Variants in TEX36 observed in about 807,000 individuals in gnomAD.
TEX36 encodes the protein testis expressed 36.
In TEX36, 12 loss-of-function variants were observed where a neutral mutation model predicts 13.6. The observed-to-expected ratio is 0.88, with a 90% CI of 0.56 to 1.43. The LOEUF (loss-of-function observed/expected upper bound fraction) is 1.43, where lower values mean the gene tolerates loss of function less well. Among genes scored for constraint, TEX36 ranks in the 40% most tolerant of loss-of-function variants. TEX36 has a pLI of 0.00. For missense variants in TEX36, 224 were observed against 228.3 expected (o/e 0.98, Z 0.12); for synonymous variants, 93 against 83.0 (o/e 1.12, Z -0.65).
intron 3 of TEX36, among the ~76,000 whole-genome samples, chr10:125,649,113 T>C (rs887795347): frequency 1.1e-4 from 16 of 152,294 alleles, no homozygotes; most frequent in African/African-American, 3.9e-4. Flanking sequence ...TTCCCCAACC[T>C]AGTGAGGCAG....
At chr10:125,667,160 CG>C in intron 1 of TEX36, 3 of 671,860 alleles carry the variant, frequency 4.5e-6, no homozygotes, top group Non-Finnish European at 2.8e-6. Context: ...CCAGGGACAG[CG>C]GGGGGCACTG....
At chr10:125,656,685 C>T (rs2133591067) in intron 3 of TEX36, among the ~76,000 whole-genome samples, 1 of 152,244 alleles carries the variant, frequency 6.6e-6, no homozygotes, top group Non-Finnish European at 1.5e-5. Context: ...TTGACACTCA[C>T]AAAACCCTGG....
Position 125,625,415 on chromosome 10 carries a change from T to A in TEX36, c.265-3770A>T, listed in dbSNP as rs143051570. 8.8e-3 allele frequency among the ~76,000 whole-genome samples: 1,335 copies of A among 152,258 alleles called. 8 individuals are homozygous for A. The highest frequency in any genetic ancestry group is 0.014 in the South Asian group (69 of 4,818). On this transcript the variant is annotated intron_variant, in intron 3 of 3. Coordinates refer to the TEX36 transcript ENST00000526819. ...GTAGAAGACAGAGAGTTGCCCAAATTGAAGGTAAAAGTCAGATTTGATCCA... is the reference window on the plus strand; with the variant it reads ...GTAGAAGACAGAGAGTTGCCCAAATAGAAGGTAAAAGTCAGATTTGATCCA...
intron 3 of TEX36, among the ~76,000 whole-genome samples, chr10:125,604,502 C>T (rs541925522): frequency 7.8e-5 from 11 of 140,218 alleles, no homozygotes; most frequent in African/African-American, 3.2e-4. Flanking sequence ...ATCATGAGAC[C>T]CCTGTCTCTA....
At chr10:125,576,868 T>A (rs1845830677) in exon 4 of TEX36, 1 of 1,536,120 alleles carries the variant, frequency 6.5e-7, no homozygotes, top group South Asian at 1.2e-5. Context: ...GTTGCTGTCA[T>A]TCTTTCCTGT....
chr10:125,612,688 G>A (rs957597063), intron 3 of TEX36, among the ~76,000 whole-genome samples: 4 of 151,974 alleles, frequency 2.6e-5, no homozygotes, highest in African/African-American at 7.3e-5. Flanking sequence ...TTTATAAGCA[G>A]GCAAACATCA....
chr10:125,655,168 G>A (rs769882388), downstream of TEX36, among the ~76,000 whole-genome samples: 27 of 152,196 alleles, frequency 1.8e-4, no homozygotes, highest in Non-Finnish European at 2.9e-4. Flanking sequence ...TAGAAGGCCA[G>A]GCGCGGTGGC....
At chr10:125,643,466 G>A (rs770733208) in intron 3 of TEX36, among the ~76,000 whole-genome samples, 6 of 152,150 alleles carry the variant, frequency 3.9e-5, no homozygotes, top group South Asian at 2.1e-4. Flanking sequence ...AAATTAGGCC[G>A]GGCACGATGG....
At chr10:125,673,338 C>T (rs752611576) in intron 1 of TEX36, among the ~76,000 whole-genome samples, 9 of 152,140 alleles carry the variant, frequency 5.9e-5, no homozygotes, top group Non-Finnish European at 8.8e-5. Flanking sequence ...ATTTGCTTGT[C>T]TGAAAAGGAT....
chr10:125,674,439 C>T (rs1044729118), intron 1 of TEX36, among the ~76,000 whole-genome samples: 1 of 152,220 alleles, frequency 6.6e-6, no homozygotes, highest in African/African-American at 2.4e-5. Flanking sequence ...TCCATCTCAG[C>T]TTCTGCCCAG....
chr10:125,579,786 G>T (rs1252670918), intron 3 of TEX36, among the ~76,000 whole-genome samples: 1 of 152,138 alleles, frequency 6.6e-6, no homozygotes, highest in African/African-American at 2.4e-5. Flanking sequence ...TGTAAGACAT[G>T]CCTGCTTCCC....
downstream of TEX36, among the ~76,000 whole-genome samples, chr10:125,655,473 G>A (rs1244433332): frequency 1.3e-5 from 2 of 152,056 alleles, no homozygotes; most frequent in African/African-American, 4.8e-5. Flanking sequence ...AGAATATTTT[G>A]CACTGTGTAA....
chr10:125,620,766 T>C (rs1419000948), downstream of TEX36, among the ~76,000 whole-genome samples: 3 of 152,240 alleles, frequency 2.0e-5, no homozygotes, highest in African/African-American at 7.2e-5. Flanking sequence ...CTGTACCCAT[T>C]AAACCGTAAC....
downstream of TEX36, chr10:125,655,614 G>C: frequency 9.4e-7 from 1 of 1,058,808 alleles, no homozygotes; most frequent in Non-Finnish European, 1.2e-6. Context: ...GAGGACTTTT[G>C]TTTCCTCTGT....
chr10:125,595,907 T>C (rs752204769), intron 3 of TEX36, among the ~76,000 whole-genome samples: 38 of 152,198 alleles, frequency 2.5e-4, no homozygotes, highest in Non-Finnish European at 5.1e-4. Flanking sequence ...CCCTGATGAA[T>C]CCCAAAGTCC....
At chr10:125,670,096 T>A (rs1847199315) in intron 1 of TEX36, among the ~76,000 whole-genome samples, 1 of 152,262 alleles carries the variant, frequency 6.6e-6, no homozygotes, top group South Asian at 2.1e-4. Flanking sequence ...TTTCTATTCC[T>A]TTGGGTATAT....
intron 3 of TEX36, among the ~76,000 whole-genome samples, chr10:125,631,672 C>T (rs1457182726): frequency 1.3e-5 from 2 of 152,166 alleles, no homozygotes; most frequent in Non-Finnish European, 2.9e-5. Flanking sequence ...TTTCTAGGTC[C>T]TCCCTTCTGG....
chr10:125,646,385 T>C (rs1293230045), intron 3 of TEX36, among the ~76,000 whole-genome samples: 1 of 151,996 alleles, frequency 6.6e-6, no homozygotes, highest in Non-Finnish European at 1.5e-5. Context: ...TGCAAGCTAT[T>C]TAAAAATGGA....
At chr10:125,623,827 T>G (rs778685145) in intron 3 of TEX36, among the ~76,000 whole-genome samples, 1 of 152,256 alleles carries the variant, frequency 6.6e-6, no homozygotes, top group East Asian at 1.9e-4. Context: ...TAAATTATTT[T>G]GAATGGCTGT....
Sources: gnomAD v4.1 joint callset for allele counts (sites outside exome capture counted in the v4.1 genomes callset) on GRCh38, gnomAD v4.1.1 for gene constraint, MANE v1.5 for transcripts, NCBI Gene and HGNC (gene_info 2026-07-23, HGNC 2026-07-21) for gene names.